The following NCKAP1 variants were observed in gnomAD, a reference collection of about 807,000 sequenced individuals.
The protein encoded by NCKAP1 is nck-associated protein 1.
In NCKAP1, 21 loss-of-function variants were observed where a neutral mutation model predicts 151.2. That is an observed-to-expected ratio of 0.14 (90% CI 0.10 to 0.20). NCKAP1 has a LOEUF of 0.20. Among genes scored for constraint, NCKAP1 ranks in the 10% least tolerant of loss-of-function variants. NCKAP1 has a pLI of 1.00. For synonymous variants in NCKAP1, 484 were observed against 451.8 expected, an observed-to-expected ratio of 1.07 and a Z score of -0.90; for missense variants, 933 against 1,352.1, an observed-to-expected ratio of 0.69 and a Z score of 4.86.
At chr2:183,028,347 A>C (rs1183055180) in intron 1 of NCKAP1, among the ~76,000 whole-genome samples, 2 of 152,126 alleles carry the variant, frequency 1.3e-5, no homozygotes, top group African/African-American at 4.8e-5. Flanking sequence ...AAAATACTAT[A>C]ATTTCAAATT....
chr2:182,965,135 A>T (rs901635566), intron 16 of NCKAP1, among the ~76,000 whole-genome samples: 8 of 152,200 alleles, frequency 5.3e-5, no homozygotes, highest in African/African-American at 1.4e-4. Context: ...TCACACCTAT[A>T]ATCTCAGCAC....
intron 18 of NCKAP1, among the ~76,000 whole-genome samples, chr2:182,960,910 A>T (rs1283496465): frequency 6.6e-6 from 1 of 152,256 alleles, no homozygotes; most frequent in East Asian, 1.9e-4. Context: ...CCCATCAAAA[A>T]GTGGCTGAAG....
chr2:182,966,559 T>C (rs1697575435), intron 16 of NCKAP1, among the ~76,000 whole-genome samples: 1 of 152,216 alleles, frequency 6.6e-6, no homozygotes, highest in South Asian at 2.1e-4. Context: ...GTGTTGGGAT[T>C]ATAGGCGTGA....
intron 21 of NCKAP1, 63 bp from the exon 22 acceptor site, chr2:182,952,986 A>G: frequency 6.6e-7 from 1 of 1,526,574 alleles, no homozygotes; most frequent in Non-Finnish European, 8.9e-7. Flanking sequence ...ATCATGATAT[A>G]CATTCCTGCA....
Position 182,915,473 on chromosome 2 carries a change from T to A in NCKAP1, c.*10229A>T, listed in dbSNP as rs778315277. ...GTATCAGCTGCTCCCTCTAGTCACT[T>A]TCTGGGTGCTGTGACCTCCAGCAGC... On this transcript the variant is annotated 3_prime_UTR_variant, in exon 31 of 31. Coordinates refer to ENST00000361354, the MANE Select transcript of NCKAP1 (RefSeq NM_013436.5). 7.2e-5 allele frequency: 11 copies of A among 152,234 alleles called. No individual in the cohort carries two copies. Among genetic ancestry groups the A allele is most frequent in the Non-Finnish European group, 1.0e-4 (7 of 68,086 alleles). 9.4% of individuals were successfully genotyped at this position (152,234 alleles called of 1,614,324 possible). A position where few individuals can be genotyped will look rare whatever the true frequency, so the allele number is the denominator to read the frequency against.
At chr2:183,020,704 T>C (rs975127548) in intron 2 of NCKAP1, among the ~76,000 whole-genome samples, 1 of 152,144 alleles carries the variant, frequency 6.6e-6, no homozygotes, top group Non-Finnish European at 1.5e-5. Flanking sequence ...CTGATATCAA[T>C]ACCACTTCTA....
Position 182,944,435 on chromosome 2 carries a change from G to T in NCKAP1, c.2602-2272C>A, listed in dbSNP as rs184226826. 2.6e-5 allele frequency among the ~76,000 whole-genome samples: 4 copies of T among 152,166 alleles called. No individual in the cohort carries two copies. In the South Asian group the frequency reaches 8.3e-4, roughly 32 times the overall value. ...AACTAGAAGAACTGATCTGTAAAATGCCAAAACAATTCTTTTGGCAGACTG... is the reference window on the plus strand; with the variant it reads ...AACTAGAAGAACTGATCTGTAAAATTCCAAAACAATTCTTTTGGCAGACTG... On this transcript the variant is annotated intron_variant, in intron 23 of 30. Coordinates refer to ENST00000361354, the MANE Select transcript of NCKAP1 (RefSeq NM_013436.5).
intron 2 of NCKAP1, among the ~76,000 whole-genome samples, chr2:183,011,007 T>C (rs2105883886): frequency 6.6e-6 from 1 of 152,354 alleles, no homozygotes; most frequent in African/African-American, 2.4e-5. Context: ...TATACAGATT[T>C]ATTTATGTCA....
chr2:183,002,947 G>A, intron 4 of NCKAP1, 27 bp downstream of exon 4: 3 of 1,563,296 alleles, frequency 1.9e-6, no homozygotes, highest in South Asian at 1.1e-5. Flanking sequence ...CAGAATAATT[G>A]GACATTTTTC....
Position 182,918,303 on chromosome 2 carries a change from A to C in NCKAP1, c.*7399T>G, listed in dbSNP as rs1696496769. 6.6e-6 allele frequency: 1 copy of C among 152,140 alleles called. No individual in the cohort carries two copies. The highest frequency in any genetic ancestry group is 2.4e-5 in the African/African-American group (1 of 41,448). The allele number at this position is 152,140 out of a possible 1,614,324, so 9.4% of individuals were successfully genotyped here. ...TTAATGTAAAGCAGTTTCAAATGCTACTGGATAGAATTTGATCCAGCAATC... is the reference window on the plus strand; with the variant it reads ...TTAATGTAAAGCAGTTTCAAATGCTCCTGGATAGAATTTGATCCAGCAATC... On this transcript the variant is annotated 3_prime_UTR_variant, in exon 31 of 31. Transcript: ENST00000361354.
At chr2:182,991,919 G>A (rs1267067140) in intron 8 of NCKAP1, among the ~76,000 whole-genome samples, 1 of 152,164 alleles carries the variant, frequency 6.6e-6, no homozygotes, top group African/African-American at 2.4e-5. Context: ...TACTTCAAGT[G>A]CTGGGTCCTC....
chr2:183,018,346 G>A (rs773072229), intron 2 of NCKAP1, among the ~76,000 whole-genome samples: 2 of 152,158 alleles, frequency 1.3e-5, no homozygotes, highest in Non-Finnish European at 2.9e-5. Context: ...CTCAAATTCT[G>A]GTTTACTGAA....
chr2:182,987,697 T>C (rs1460122498), intron 9 of NCKAP1, among the ~76,000 whole-genome samples: 1 of 152,190 alleles, frequency 6.6e-6, no homozygotes, highest in Non-Finnish European at 1.5e-5. Context: ...TTCATGATTT[T>C]CAATCTAAAT....
chr2:182,971,182 C>T (rs1344342549), intron 15 of NCKAP1, among the ~76,000 whole-genome samples: 17 of 151,614 alleles, frequency 1.1e-4, no homozygotes, highest in Admixed American at 1.1e-3. Flanking sequence ...ATCACGAGGT[C>T]AGGAGATCGA....
At chr2:183,020,464 CAAAAAAAAA>C (rs1179083096) in intron 2 of NCKAP1, among the ~76,000 whole-genome samples, 1 of 71,596 alleles carries the variant, frequency 1.4e-5, no homozygotes, top group African/African-American at 5.2e-5. Flanking sequence ...GACCGTGTCC[CAAAAAAAAA>C]AAAAAAAGAA....
At chr2:183,029,284 T>C (rs940165275) in intron 1 of NCKAP1, among the ~76,000 whole-genome samples, 1 of 152,076 alleles carries the variant, frequency 6.6e-6, no homozygotes, top group Non-Finnish European at 1.5e-5. Context: ...ATTAGAAACA[T>C]CAAGCCTAGA....
At chr2:182,983,960 G>C (rs1316775722) in intron 10 of NCKAP1, among the ~76,000 whole-genome samples, 8 of 151,988 alleles carry the variant, frequency 5.3e-5, no homozygotes, top group Admixed American at 1.3e-4. Context: ...GAGCCCAGGA[G>C]GCAGAGGTTG....
At chr2:182,964,219 CCCA>C (rs1202670496) in intron 17 of NCKAP1, among the ~76,000 whole-genome samples, 1 of 151,974 alleles carries the variant, frequency 6.6e-6, no homozygotes, top group Non-Finnish European at 1.5e-5. Flanking sequence ...ATGTATGTAT[CCCA>C]CAAGTATCAC....
At chr2:182,982,549 G>A (rs1455314880) in intron 12 of NCKAP1, among the ~76,000 whole-genome samples, 1 of 152,132 alleles carries the variant, frequency 6.6e-6, no homozygotes, top group Non-Finnish European at 1.5e-5. Context: ...GTAGTTCCCA[G>A]TCAACTATGT....
Sources: allele counts gnomAD v4.1 joint callset (sites outside exome capture counted in the v4.1 genomes callset), GRCh38; gene constraint gnomAD v4.1.1; transcripts MANE v1.5; gene names NCBI Gene and HGNC (gene_info 2026-07-23, HGNC 2026-07-21).